DNM3: variants seen among roughly 807,000 people sequenced by gnomAD.
DNM3 encodes the protein dynamin 3, also known as dynamin-3.
In DNM3, 47 loss-of-function variants were observed where a neutral mutation model predicts 101.6. That is an observed-to-expected ratio of 0.46 (90% CI 0.37 to 0.59). The LOEUF is 0.59. DNM3 is among the 20% of genes least tolerant of loss of function. DNM3 has a pLI of 0.00. For synonymous variants in DNM3, 385 were observed against 387.9 expected (o/e 0.99, Z 0.09); for missense variants, 849 against 1,085.7 (o/e 0.78, Z 3.06).
At chr1:172,342,256 G>T (rs528712927) in intron 17 of DNM3, among the ~76,000 whole-genome samples, 13 of 152,198 alleles carry the variant, frequency 8.5e-5, no homozygotes, top group African/African-American at 3.1e-4. Context: ...TCCATTATTG[G>T]TTACAGGCCC....
chr1:171,846,605 A>G (rs2032138744), intron 1 of DNM3, among the ~76,000 whole-genome samples: 1 of 152,174 alleles, frequency 6.6e-6, no homozygotes, highest in African/African-American at 2.4e-5. Flanking sequence ...TTTTAGAGGG[A>G]CTTCAAGTAT....
intron 14 of DNM3, among the ~76,000 whole-genome samples, chr1:172,168,740 CAA>C (rs1448033079): frequency 6.6e-6 from 1 of 151,920 alleles, no homozygotes; most frequent in Non-Finnish European, 1.5e-5. Flanking sequence ...TGTCCCCAGC[CAA>C]CTCCACATGA....
At chr1:172,038,936 G>GC (rs1553345344) in intron 7 of DNM3, among the ~76,000 whole-genome samples, 1 of 148,764 alleles carries the variant, frequency 6.7e-6, no homozygotes, top group East Asian at 1.9e-4. Flanking sequence ...TAAGGCTGTA[G>GC]TTTTTTTTTT....
rs539243856 is a variant in DNM3 at position 172,013,299 on chromosome 1, G to A, written c.590-19103G>A. Reference sequence around the variant, plus strand: ...TCAGTGTTTTTATAGGAAAATCACCGTGCTGACAACAAATCTAGGTAACAT... The same window carrying A: ...TCAGTGTTTTTATAGGAAAATCACCATGCTGACAACAAATCTAGGTAACAT... On this transcript the variant is annotated intron_variant, in intron 4 of 20. Coordinates refer to ENST00000627582, the MANE Select transcript of DNM3 (RefSeq NM_015569.5). Among the ~76,000 whole-genome samples, 4 of 152,090 alleles carry A rather than the reference G, an allele frequency of 2.6e-5. No individual in the cohort carries two copies. In the South Asian group the frequency reaches 6.2e-4, roughly 24 times the overall value.
Position 172,302,801 on chromosome 1 carries a change from A to G in DNM3, c.1770-5927A>G, listed in dbSNP as rs760123975. On this transcript the variant is annotated intron_variant, in intron 15 of 20. Transcript: ENST00000627582. ...CACCTGAGGGACCTGACTGTTAGAA[A>G]GAAAACTGACAAACAGAAAGGAATA... Among the ~76,000 whole-genome samples, 10 of 152,180 alleles carry G rather than the reference A, an allele frequency of 6.6e-5. No individual in the cohort carries two copies. In the East Asian group the frequency reaches 1.9e-3, roughly 29 times the overall value.
chr1:171,963,901 T>A (rs1395088070), intron 2 of DNM3, among the ~76,000 whole-genome samples: 1 of 151,982 alleles, frequency 6.6e-6, no homozygotes, highest in African/African-American at 2.4e-5. Flanking sequence ...GTCAAAGGCA[T>A]TCAAAAAACC....
intron 16 of DNM3, among the ~76,000 whole-genome samples, chr1:172,318,462 C>T (rs948418212): frequency 5.6e-4 from 86 of 152,246 alleles, no homozygotes; most frequent in African/African-American, 1.6e-3. Context: ...TGTTTGCAGA[C>T]GACGTGATTG....
intron 1 of DNM3, among the ~76,000 whole-genome samples, chr1:171,877,671 G>A (rs1240717144): frequency 6.6e-6 from 1 of 152,184 alleles, no homozygotes; most frequent in Non-Finnish European, 1.5e-5. Context: ...ATTGCCTGAA[G>A]GCATTATTGC....
At chr1:172,002,053 A>G (rs1216356980) in intron 4 of DNM3, among the ~76,000 whole-genome samples, 1 of 152,098 alleles carries the variant, frequency 6.6e-6, no homozygotes, top group African/African-American at 2.4e-5. Flanking sequence ...AAAACAATTC[A>G]TGGAGGAAAC....
intron 14 of DNM3, among the ~76,000 whole-genome samples, chr1:172,165,929 G>T (rs1042255788): frequency 6.6e-6 from 1 of 151,556 alleles, no homozygotes; most frequent in African/African-American, 2.4e-5. Flanking sequence ...TCTTTTTTGT[G>T]CCAGGCACTG....
At chr1:171,898,777 GA>G (rs1219356233) in intron 1 of DNM3, among the ~76,000 whole-genome samples, 1 of 151,722 alleles carries the variant, frequency 6.6e-6, no homozygotes, top group Non-Finnish European at 1.5e-5. Context: ...AGTAGAGAGT[GA>G]ATTTTTTTTT....
chr1:172,181,304 A>G (rs2059333590), intron 14 of DNM3, among the ~76,000 whole-genome samples: 1 of 151,942 alleles, frequency 6.6e-6, no homozygotes, highest in Non-Finnish European at 1.5e-5. Context: ...AGGAACACAA[A>G]TATGTCCAGC....
intron 17 of DNM3, among the ~76,000 whole-genome samples, chr1:172,331,276 A>G (rs2066171763): frequency 6.6e-6 from 1 of 152,188 alleles, no homozygotes; most frequent in African/African-American, 2.4e-5. Flanking sequence ...GAGCCATTTC[A>G]TGACCTAATT....
At chr1:172,071,086 C>CATATATATATATATATATATATATATAT (rs56255511) in intron 11 of DNM3, among the ~76,000 whole-genome samples, 27 of 65,066 alleles carry the variant, frequency 4.1e-4, no homozygotes, top group African/African-American at 8.4e-4. Context: ...CAAGACCCTG[C>CATATATATATATATATATATATATATAT]ATATATATAT....
At chr1:171,902,694 C>G (rs2125236547) in intron 1 of DNM3, among the ~76,000 whole-genome samples, 1 of 151,976 alleles carries the variant, frequency 6.6e-6, no homozygotes, top group African/African-American at 2.4e-5. Flanking sequence ...AAGCAACATA[C>G]TTTAGTGATT....
intron 14 of DNM3, among the ~76,000 whole-genome samples, chr1:172,231,131 TG>T (rs1054549564): frequency 6.9e-6 from 1 of 144,060 alleles, no homozygotes; most frequent in Admixed American, 6.9e-5. Flanking sequence ...ACTACCCTAC[TG>T]GGGGGTGCCT....
At chr1:172,268,000 C>A (rs549813252) in intron 15 of DNM3, among the ~76,000 whole-genome samples, 1 of 152,190 alleles carries the variant, frequency 6.6e-6, no homozygotes, top group African/African-American at 2.4e-5. Flanking sequence ...GTATGAGCCA[C>A]GGCACCTGGC....
In DNM3 at chr1:172,338,970, A is replaced by G. The variant is rs139656056; in HGVS notation, c.1893+15630A>G. 7.1e-6 allele frequency: 3 copies of G among 424,796 alleles called. No individual in the cohort carries two copies. The East Asian group carries it at 2.1e-4, about 29-fold the overall frequency. The allele number at this position is 424,796 out of a possible 1,614,324, so 26.3% of individuals were successfully genotyped here. A position where few individuals can be genotyped will look rare whatever the true frequency, so the allele number is the denominator to read the frequency against. On this transcript the variant is annotated intron_variant, in intron 17 of 20. Transcript: ENST00000627582. ...TCTTGCTTTTTAGAATTATTCTACT[A>G]AATAATATTAACTTGTTCAAAGGTG... is the stretch of plus-strand genomic sequence containing the variant.
At chr1:172,129,690 C>A (rs1288639824) in intron 13 of DNM3, among the ~76,000 whole-genome samples, 1 of 152,052 alleles carries the variant, frequency 6.6e-6, no homozygotes, top group African/African-American at 2.4e-5. Flanking sequence ...GAGAACAGTG[C>A]AGGAAAGATC....
Sources: allele counts gnomAD v4.1 joint callset (sites outside exome capture counted in the v4.1 genomes callset), GRCh38; gene constraint gnomAD v4.1.1; transcripts MANE v1.5; gene names NCBI Gene and HGNC (gene_info 2026-07-23, HGNC 2026-07-21).